Variants in LARS2 observed in about 807,000 individuals in gnomAD.
The protein encoded by LARS2 is leucyl-tRNA synthetase 2, mitochondrial.
LARS2 carries 81 observed loss-of-function variants against 116.6 expected under a neutral mutation model. The ratio of observed to expected loss-of-function variants is 0.69; its 90% CI spans 0.58 to 0.84. The LOEUF is 0.84. Among genes scored for constraint, LARS2 ranks in the 40% least tolerant of loss-of-function variants. LARS2 has a pLI of 0.00. For synonymous variants in LARS2, 396 were observed against 407.2 expected (o/e 0.97, Z 0.33); for missense variants, 968 against 1,114.5 (o/e 0.87, Z 1.87).
At chr3:45,497,931 AATG>A (rs1370167250) in intron 14 of LARS2, among the ~76,000 whole-genome samples, 4 of 152,050 alleles carry the variant, frequency 2.6e-5, no homozygotes, top group Non-Finnish European at 4.4e-5. Flanking sequence ...AAAAAAAAGA[AATG>A]AGGGGGATCC....
chr3:45,433,553 A>G (rs1698755543), intron 6 of LARS2, among the ~76,000 whole-genome samples: 1 of 152,130 alleles, frequency 6.6e-6, no homozygotes, highest in Non-Finnish European at 1.5e-5. Flanking sequence ...ATTTGTAACA[A>G]TTGTTTTAAA....
At chr3:45,470,927 A>G (rs1443768862) in intron 8 of LARS2, among the ~76,000 whole-genome samples, 1 of 151,796 alleles carries the variant, frequency 6.6e-6, no homozygotes, top group Non-Finnish European at 1.5e-5. Context: ...TCTGTGAGCC[A>G]GTGGGATTTT....
At chr3:45,413,994 C>T (rs920476406) in intron 4 of LARS2, among the ~76,000 whole-genome samples, 9 of 152,166 alleles carry the variant, frequency 5.9e-5, no homozygotes, top group Non-Finnish European at 8.8e-5. Context: ...AAGTGTGGTT[C>T]GCTGCAGTCT....
At chr3:45,430,316 T>C (rs1332996419) in intron 6 of LARS2, among the ~76,000 whole-genome samples, 9 of 146,138 alleles carry the variant, frequency 6.2e-5, no homozygotes, top group Non-Finnish European at 1.5e-5. Flanking sequence ...TCTGGCTCTG[T>C]CGCCCAGGCT....
At chr3:45,535,060 C>G (rs1254689948) in intron 20 of LARS2, among the ~76,000 whole-genome samples, 1 of 152,044 alleles carries the variant, frequency 6.6e-6, no homozygotes, top group Admixed American at 6.5e-5. Context: ...AGTAAAAGAG[C>G]AGAAAATCAT....
chr3:45,504,682 T>G (rs74696243), intron 15 of LARS2, among the ~76,000 whole-genome samples: 2,068 of 152,178 alleles, frequency 0.014, 34 homozygotes, highest in African/African-American at 0.047. Context: ...AGATAAAGAT[T>G]GTCATTGATA....
In LARS2 at chr3:45,516,139, C is replaced by T. The variant is rs575606480; in HGVS notation, c.1907C>T (p.Thr636Met). The stretch of plus-strand genomic sequence containing the variant: ...AAAACGAAAGAGAAGTTAGAGGTGA[C>T]GTGGGAGAAGATGAGTAAGTCCAAA... ...HAKTKEKLEV[T>M]WEKMSKSKHN... The change falls in exon 17 of 22, where the codon ACG (threonine) becomes ATG (methionine). Residue 636 changes from threonine to methionine, a missense_variant. By Grantham distance (81) the Thr-to-Met change is moderately conservative (BLOSUM62 -1). Transcript: ENST00000645846. The T allele has an allele frequency of 1.4e-4, 226 of 1,614,064 alleles. 7 individuals are homozygous for T. The South Asian group carries it at 2.4e-3, about 17-fold the overall frequency.
At chr3:45,515,260 TGC>T (rs923844550) in intron 16 of LARS2, among the ~76,000 whole-genome samples, 35 of 152,278 alleles carry the variant, frequency 2.3e-4, no homozygotes, top group African/African-American at 7.7e-4. Flanking sequence ...CTCCTTCATC[TGC>T]CAGACTTGGA....
intron 19 of LARS2, among the ~76,000 whole-genome samples, chr3:45,521,294 G>C (rs957542696): frequency 1.3e-5 from 2 of 152,004 alleles, no homozygotes; most frequent in African/African-American, 4.8e-5. Flanking sequence ...GACAAAGCAA[G>C]ACTCCGCCTC....
intron 8 of LARS2, among the ~76,000 whole-genome samples, chr3:45,461,994 A>G (rs931940307): frequency 1.3e-5 from 2 of 152,244 alleles, no homozygotes; most frequent in Admixed American, 1.3e-4. Context: ...TAGGACATCT[A>G]TTTTAAAACC....
At chr3:45,491,479 T>A in intron 12 of LARS2, 38 bp from the exon 13 acceptor site, 1 of 1,603,716 alleles carries the variant, frequency 6.2e-7, no homozygotes, top group Non-Finnish European at 8.5e-7. Context: ...ACTGGTGCTA[T>A]GCGGAGAGGA....
intron 6 of LARS2, chr3:45,422,526 T>C (rs1333328999): frequency 2.0e-5 from 3 of 152,342 alleles, no homozygotes; most frequent in Non-Finnish European, 2.9e-5. Context: ...GAATTACTAC[T>C]TTTTCTAAAT....
At position 45,417,555 on chromosome 3, in the gene LARS2, C is replaced by T. The variant is rs1416358661; in HGVS notation, c.437C>T (p.Pro146Leu). The change falls in exon 5 of 22, where the codon CCA becomes CTA. Residue 146 changes from proline to leucine, a missense_variant. Coordinates refer to ENST00000645846, the MANE Select transcript of LARS2 (RefSeq NM_015340.4). ...GCCGCAGTCGAGAGGAATCTACATC[C>T]ACAAAGTTGGACACAAAGGTAAGTG... ...ENAAVERNLH[P>L]QSWTQSNIKH... 1 of 1,613,830 alleles carries T rather than the reference C, an allele frequency of 6.2e-7. No individual in the cohort carries two copies. The highest frequency in any genetic ancestry group is 8.5e-7 in the Non-Finnish European group (1 of 1,179,748).
At chr3:45,497,830 C>A (rs1247155851) in intron 14 of LARS2, among the ~76,000 whole-genome samples, 1 of 152,094 alleles carries the variant, frequency 6.6e-6, no homozygotes, top group Non-Finnish European at 1.5e-5. Context: ...TCGCTTGAAC[C>A]CGGGAGGCAG....
At chr3:45,416,241 T>G (rs1559461582) in intron 4 of LARS2, among the ~76,000 whole-genome samples, 2 of 148,614 alleles carry the variant, frequency 1.3e-5, no homozygotes, top group Non-Finnish European at 1.5e-5. Context: ...GGCAACAGAG[T>G]GAGACATTGT....
intron 15 of LARS2, among the ~76,000 whole-genome samples, chr3:45,504,851 G>A (rs375464456): frequency 1.5e-4 from 22 of 151,332 alleles, no homozygotes; most frequent in Non-Finnish European, 2.7e-4. Flanking sequence ...AGGCCAAGGC[G>A]GGTGGATTGC....
Position 45,448,578 on chromosome 3 carries a change from G to C in LARS2, c.606+1598G>C, listed in dbSNP as rs1184029613. Among the ~76,000 whole-genome samples, 4 of 152,132 alleles carry C rather than the reference G, an allele frequency of 2.6e-5. No homozygotes were observed. The East Asian group carries it at 7.7e-4, about 29-fold the overall frequency. ...TTCAGAGCTGAGAGCCCCGAACAGA[G>C]ATTTACCCACATATTTATTAACAGA... On this transcript the variant is annotated intron_variant, in intron 7 of 21. Coordinates refer to ENST00000645846, the MANE Select transcript of LARS2 (RefSeq NM_015340.4).
At chr3:45,411,467 A>G (rs1575236019) in intron 4 of LARS2, among the ~76,000 whole-genome samples, 1 of 152,354 alleles carries the variant, frequency 6.6e-6, no homozygotes, top group Non-Finnish European at 1.5e-5. Flanking sequence ...GCTTTCAGCC[A>G]TAACCCTATC....
chr3:45,462,588 G>T (rs1279331742), intron 8 of LARS2, among the ~76,000 whole-genome samples: 1 of 152,214 alleles, frequency 6.6e-6, no homozygotes, highest in African/African-American at 2.4e-5. Flanking sequence ...GGGAGACTAG[G>T]AAAGCAGGCT....
Sources: gnomAD v4.1 joint callset for allele counts (sites outside exome capture counted in the v4.1 genomes callset) on GRCh38, gnomAD v4.1.1 for gene constraint, MANE v1.5 for transcripts, NCBI Gene and HGNC (gene_info 2026-07-23, HGNC 2026-07-21) for gene names.